Variants in STK32B observed in about 807,000 individuals in gnomAD.
STK32B encodes serine/threonine kinase 32B.
In STK32B, 43 loss-of-function variants were observed where a neutral mutation model predicts 52.6. The ratio of observed to expected loss-of-function variants is 0.82; its 90% CI spans 0.64 to 1.05. STK32B has a LOEUF of 1.05. Ranked by LOEUF, STK32B falls within the 50% of genes least tolerant of loss-of-function variation. The probability of loss-of-function intolerance (pLI) is 0.00; values close to 1 mark genes in which losing one functional copy is unlikely to be tolerated. For missense variants in STK32B, 621 were observed against 534.6 expected (o/e 1.16, Z -1.59); for synonymous variants, 238 against 204.3 (o/e 1.17, Z -1.41).
At chr4:5,090,370 C>CTT (rs754643704) in intron 1 of STK32B, among the ~76,000 whole-genome samples, 3,483 of 56,470 alleles carry the variant, frequency 0.062, 466 homozygotes, top group African/African-American at 0.19. Flanking sequence ...TTTAATCCAT[C>CTT]TTTTTTTTTT....
chr4:5,490,171 A>C (rs953702999), intron 11 of STK32B, among the ~76,000 whole-genome samples: 2 of 150,466 alleles, frequency 1.3e-5, no homozygotes, highest in African/African-American at 4.9e-5. Context: ...CAGTGGCATG[A>C]TCTTGGCTCA....
At position 5,386,769 on chromosome 4, in the gene STK32B, C is replaced by A. The variant is rs1359618162; in HGVS notation, c.435-11438C>A. Among the ~76,000 whole-genome samples, 1 of 152,184 alleles carries A rather than the reference C, an allele frequency of 6.6e-6. No homozygotes were observed. Among genetic ancestry groups the A allele is most frequent in the Non-Finnish European group, 1.5e-5 (1 of 68,022 alleles). Reference sequence around the variant, plus strand: ...TCATCTGGAAAATGACCAGGTCGTTCCGGGTGGTGGCTGGACCCTCCATTG... The same window carrying A: ...TCATCTGGAAAATGACCAGGTCGTTACGGGTGGTGGCTGGACCCTCCATTG... On this transcript the variant is annotated intron_variant, in intron 4 of 11. Transcript: ENST00000282908. This position sits in a 1 kb window ranked among gnomAD's most constrained non-coding sequence, Gnocchi z 4.5.
intron 3 of STK32B, among the ~76,000 whole-genome samples, chr4:5,247,449 C>A (rs1333593403): frequency 2.0e-5 from 3 of 152,026 alleles, no homozygotes; most frequent in African/African-American, 7.3e-5. Context: ...GGGAGTGACC[C>A]GATTTTCCAG....
chr4:5,289,358 G>A (rs913305478), intron 3 of STK32B, among the ~76,000 whole-genome samples: 6 of 152,174 alleles, frequency 3.9e-5, no homozygotes, highest in African/African-American at 1.4e-4. Context: ...AGTGGTGAGT[G>A]AATGTGAGGG....
At chr4:5,138,627 C>A (rs987645762) in intron 1 of STK32B, among the ~76,000 whole-genome samples, 2 of 152,208 alleles carry the variant, frequency 1.3e-5, no homozygotes, top group East Asian at 3.9e-4. Context: ...AAACATGGCC[C>A]TTGAACTCAG....
chr4:5,443,477 G>C (rs887702179), intron 6 of STK32B, among the ~76,000 whole-genome samples: 1 of 151,938 alleles, frequency 6.6e-6, no homozygotes, highest in Non-Finnish European at 1.5e-5. Context: ...GCACTCCTCT[G>C]TATTGGTTAT....
chr4:5,445,604 A>G (rs567237450), intron 6 of STK32B, among the ~76,000 whole-genome samples: 1 of 152,168 alleles, frequency 6.6e-6, no homozygotes, highest in Non-Finnish European at 1.5e-5. Flanking sequence ...ACCCTGAAGA[A>G]TAAGGGTCCA....
At chr4:5,135,923 C>T (rs994319101) in intron 1 of STK32B, among the ~76,000 whole-genome samples, 30 of 152,148 alleles carry the variant, frequency 2.0e-4, no homozygotes, top group African/African-American at 7.0e-4. Flanking sequence ...CACAATTGTC[C>T]GGATTAATTA....
chr4:5,172,475 T>G (rs2108742159), intron 3 of STK32B, among the ~76,000 whole-genome samples: 1 of 151,988 alleles, frequency 6.6e-6, no homozygotes, highest in Admixed American at 6.5e-5. Flanking sequence ...TATTTTGAGA[T>G]ATGTCCCATC....
chr4:5,434,664 G>T (rs1256701418), intron 6 of STK32B, among the ~76,000 whole-genome samples: 2 of 152,092 alleles, frequency 1.3e-5, no homozygotes, highest in Non-Finnish European at 2.9e-5. Flanking sequence ...TTCCCGAAAT[G>T]GAGGTAGTAC....
At chr4:5,125,295 T>A (rs551779277) in intron 1 of STK32B, among the ~76,000 whole-genome samples, 55 of 152,324 alleles carry the variant, frequency 3.6e-4, no homozygotes, top group African/African-American at 1.3e-3. Flanking sequence ...AGTAAATGCG[T>A]GTTGCTGAGA....
At position 5,184,695 on chromosome 4, in the gene STK32B, A is replaced by AAAAAAG. The variant is rs58321341; in HGVS notation, c.260+16247_260+16248insAAAGAA. Among the ~76,000 whole-genome samples, 720 of 137,530 alleles carry AAAAAAG rather than the reference A, an allele frequency of 5.2e-3. 15 individuals are homozygous for AAAAAAG. The highest frequency in any genetic ancestry group is 0.018 in the African/African-American group (675 of 37,174). The allele number at this position is 137,530 out of a possible 152,430, so 90.2% of individuals were successfully genotyped here. A position where few individuals can be genotyped will look rare whatever the true frequency, so the allele number is the denominator to read the frequency against. On this transcript the variant is annotated intron_variant, in intron 3 of 11. Coordinates refer to ENST00000282908, the MANE Select transcript of STK32B (RefSeq NM_018401.3). ...GAGCGAGACTGTCTCAAAAAAAAAA[A>AAAAAAG]AAGAAGAAGAAGAAGAAAAAGAAAA...
At chr4:5,301,530 G>A (rs909939229) in intron 3 of STK32B, among the ~76,000 whole-genome samples, 4 of 151,150 alleles carry the variant, frequency 2.6e-5, no homozygotes, top group Admixed American at 6.6e-5. Flanking sequence ...TAATTTGTCC[G>A]TTTCATCTAG....
intron 3 of STK32B, among the ~76,000 whole-genome samples, chr4:5,260,229 C>A (rs1266712160): frequency 6.6e-6 from 1 of 152,164 alleles, no homozygotes; most frequent in Non-Finnish European, 1.5e-5. Context: ...CCCAACATTG[C>A]AAATTAGCAA....
intron 6 of STK32B, among the ~76,000 whole-genome samples, chr4:5,442,046 G>C (rs1714829163): frequency 9.2e-6 from 1 of 108,526 alleles, no homozygotes; most frequent in East Asian, 3.4e-4. Flanking sequence ...TTTTGGAATA[G>C]GTGTGGTGTG....
At position 5,422,363 on chromosome 4, in the gene STK32B, C is replaced by T. The variant is rs150366637; in HGVS notation, c.562+5429C>T. Reference sequence around the variant, plus strand: ...ACTTGAGCTGTTCAGTTCAAAGGCCCAGTAACAAGTTCCCAGAATGTTCCC... The same window carrying T: ...ACTTGAGCTGTTCAGTTCAAAGGCCTAGTAACAAGTTCCCAGAATGTTCCC... On this transcript the variant is annotated intron_variant, in intron 6 of 11. Transcript: ENST00000282908. Among the ~76,000 whole-genome samples, 558 of 152,256 alleles carry T rather than the reference C, an allele frequency of 3.7e-3. 4 individuals carry two copies. The highest frequency in any genetic ancestry group is 6.0e-3 in the Non-Finnish European group (405 of 68,022).
intron 4 of STK32B, among the ~76,000 whole-genome samples, chr4:5,358,220 T>C (rs1734305069): frequency 6.6e-6 from 1 of 152,228 alleles, no homozygotes; most frequent in African/African-American, 2.4e-5. Context: ...TAATAAATTT[T>C]GGAAATAGGG....
At chr4:5,251,398 G>A (rs933425272) in intron 3 of STK32B, among the ~76,000 whole-genome samples, 1 of 152,102 alleles carries the variant, frequency 6.6e-6, no homozygotes, top group Non-Finnish European at 1.5e-5. Context: ...GGTTGTAGCT[G>A]TGCAGCTTTA....
chr4:5,033,693 T>C, the STK32B span, among the ~76,000 whole-genome samples: 1 of 152,206 alleles, frequency 6.6e-6, no homozygotes, highest in Non-Finnish European at 1.5e-5. Context: ...GCACTGCAGC[T>C]GCTACTTCCA....
Sources: gnomAD v4.1 joint callset for allele counts (sites outside exome capture counted in the v4.1 genomes callset) on GRCh38, gnomAD v4.1.1 for gene constraint, Gnocchi (gnomAD v3.1) non-coding constraint, MANE v1.5 for transcripts, NCBI Gene and HGNC (gene_info 2026-07-23, HGNC 2026-07-21) for gene names.